SORL1: variants seen among roughly 807,000 people sequenced by gnomAD.
The protein encoded by SORL1 is sortilin-related receptor.
A neutral mutation model predicts 273.7 loss-of-function variants in SORL1; 127 were observed. The ratio of observed to expected loss-of-function variants is 0.46; its 90% CI spans 0.40 to 0.54. SORL1 has a LOEUF of 0.54. Ranked by LOEUF, SORL1 falls within the 20% of genes least tolerant of loss-of-function variation. The probability of loss-of-function intolerance (pLI) is 0.00; values close to 1 mark genes in which losing one functional copy is unlikely to be tolerated. For synonymous variants in SORL1, 1,031 were observed against 1,067.4 expected, an observed-to-expected ratio of 0.97 and a Z score of 0.66; for missense variants, 2,494 against 2,846.1, an observed-to-expected ratio of 0.88 and a Z score of 2.81.
chr11:121,502,708 G>A (rs761560841), intron 6 of SORL1, among the ~76,000 whole-genome samples: 1 of 152,122 alleles, frequency 6.6e-6, no homozygotes, highest in Non-Finnish European at 1.5e-5. Context: ...GTCTATTCAA[G>A]TCCTTTGTCC....
chr11:121,552,317 C>A (rs1369501890), intron 16 of SORL1, among the ~76,000 whole-genome samples: 1 of 152,190 alleles, frequency 6.6e-6, no homozygotes, highest in Non-Finnish European at 1.5e-5. Context: ...CATTCCTTGG[C>A]CAGGACCAGC....
chr11:121,479,077 G>A (rs1312948915), intron 3 of SORL1, among the ~76,000 whole-genome samples: 1 of 152,126 alleles, frequency 6.6e-6, no homozygotes, highest in South Asian at 2.1e-4. Context: ...AACCTGTACC[G>A]ATATGGAAAA....
chr11:121,593,299 T>C (rs375469822), intron 31 of SORL1, among the ~76,000 whole-genome samples: 34 of 152,380 alleles, frequency 2.2e-4, no homozygotes, highest in African/African-American at 7.7e-4. Context: ...ATATGCACAA[T>C]ATCCTGAAGT....
rs1390642465 is a variant in SORL1 at position 121,591,143 on chromosome 11, C to G, written c.4356C>G (p.Ala1452=). 2 of 1,614,168 alleles carry G rather than the reference C, an allele frequency of 1.2e-6. No homozygotes were observed. Among genetic ancestry groups the G allele is most frequent in the Admixed American group, 3.3e-5 (2 of 60,030 alleles). Residue 1452 remains alanine (A), a synonymous_variant, in exon 31 of 48, where the codon GCC becomes GCG. Transcript: ENST00000260197. The stretch of plus-strand genomic sequence containing the variant: ...GTGCAGATGGCTCTGACGAGGAAGC[C>G]TGCCCCTTGCTTGGTGAGTTCTGGC... ...RDCADGSDEE[A]CPLLANVTAA... is the part of the protein sequence containing the mutation.
intron 2 of SORL1, among the ~76,000 whole-genome samples, chr11:121,476,291 G>A (rs1861265603): frequency 6.6e-6 from 1 of 152,206 alleles, no homozygotes; most frequent in South Asian, 2.1e-4. Context: ...CTCTCAGCCT[G>A]CACAATTTCT....
intron 6 of SORL1, among the ~76,000 whole-genome samples, chr11:121,502,488 A>G (rs555527743): frequency 1.3e-5 from 2 of 152,280 alleles, no homozygotes; most frequent in African/African-American, 2.4e-5. Flanking sequence ...TTCCAAAACT[A>G]TTGTACCATT....
intron 6 of SORL1, among the ~76,000 whole-genome samples, chr11:121,508,279 G>T (rs955017795): frequency 6.6e-6 from 1 of 152,088 alleles, no homozygotes; most frequent in Admixed American, 6.5e-5. Flanking sequence ...CATACTCACG[G>T]CTCTTATGTG....
chr11:121,607,559 A>G (rs1863497656), intron 37 of SORL1, among the ~76,000 whole-genome samples: 1 of 152,242 alleles, frequency 6.6e-6, no homozygotes, highest in Non-Finnish European at 1.5e-5. Flanking sequence ...GTATTCTGCT[A>G]GCTTTCCAGC....
intron 34 of SORL1, 54 bp downstream of exon 34, chr11:121,605,293 A>T: frequency 3.8e-6 from 6 of 1,589,216 alleles, no homozygotes; most frequent in Non-Finnish European, 5.1e-6. Context: ...TTGCCCCAGG[A>T]TGTTCTGTAA....
At chr11:121,531,932 G>A (rs11827797) in intron 11 of SORL1, among the ~76,000 whole-genome samples, 7,545 of 152,176 alleles carry the variant, frequency 0.05, 274 homozygotes, top group African/African-American at 0.098. Flanking sequence ...CTTTTCCTTC[G>A]GGCAAAGCTT....
chr11:121,542,499 G>T (rs1460527638), intron 12 of SORL1, among the ~76,000 whole-genome samples: 2 of 151,914 alleles, frequency 1.3e-5, no homozygotes, highest in Non-Finnish European at 2.9e-5. Context: ...TTATCGTGTA[G>T]AATATCCCAC....
At chr11:121,540,708 G>A (rs1198987030) in intron 12 of SORL1, among the ~76,000 whole-genome samples, 1 of 152,142 alleles carries the variant, frequency 6.6e-6, no homozygotes, top group African/African-American at 2.4e-5. Flanking sequence ...TTTTCTAAAT[G>A]AGCAGTGTAT....
intron 2 of SORL1, among the ~76,000 whole-genome samples, chr11:121,472,470 AGGCCCAATCAT>A (rs1861186311): frequency 6.6e-6 from 1 of 152,236 alleles, no homozygotes; most frequent in Non-Finnish European, 1.5e-5. Flanking sequence ...ATGAGAATCA[AGGCCCAATCAT>A]GTACTCAGTG....
chr11:121,620,074 G>T (rs1348468488), intron 43 of SORL1, among the ~76,000 whole-genome samples, 157 bp downstream of exon 43: 1 of 152,098 alleles, frequency 6.6e-6, no homozygotes, highest in Non-Finnish European at 1.5e-5. Context: ...CCAAAGATGG[G>T]GTCCGTACAG....
chr11:121,606,978 G>C, intron 36 of SORL1, 21 bp downstream of exon 36: 1 of 1,541,266 alleles, frequency 6.5e-7, no homozygotes. Context: ...TCCATGAGTT[G>C]GCTGTATGTG....
At chr11:121,624,222 A>G (rs948092147) in intron 45 of SORL1, among the ~76,000 whole-genome samples, 3 of 152,174 alleles carry the variant, frequency 2.0e-5, no homozygotes, top group Non-Finnish European at 2.9e-5. Flanking sequence ...TCAAGAATAG[A>G]TGGGTCAGTG....
chr11:121,489,108 CA>C (rs1861515493), intron 4 of SORL1, among the ~76,000 whole-genome samples: 1 of 152,026 alleles, frequency 6.6e-6, no homozygotes, highest in African/African-American at 2.4e-5. Context: ...TCCTCATTGC[CA>C]CAGCCGTGTA....
chr11:121,492,391 C>CAATGAATG (rs965976790), intron 5 of SORL1, among the ~76,000 whole-genome samples: 1 of 151,964 alleles, frequency 6.6e-6, no homozygotes, highest in East Asian at 1.9e-4. Context: ...ATAACTGTCT[C>CAATGAATG]AATGAATGAA....
intron 40 of SORL1, 175 bp from the exon 41 acceptor site, chr11:121,614,696 A>T (rs1190789259): frequency 1.7e-6 from 1 of 592,958 alleles, no homozygotes; most frequent in African/African-American, 1.9e-5. Flanking sequence ...ACGTACCGTC[A>T]TCATCAGTAC....
Sources: allele counts gnomAD v4.1 joint callset (sites outside exome capture counted in the v4.1 genomes callset), GRCh38; gene constraint gnomAD v4.1.1; transcripts MANE v1.5; gene names NCBI Gene and HGNC (gene_info 2026-07-23, HGNC 2026-07-21).